EPAS1: variants seen among roughly 807,000 people sequenced by gnomAD.
EPAS1 encodes endothelial PAS domain-containing protein 1.
A neutral mutation model predicts 87.9 loss-of-function variants in EPAS1; 23 were observed. That is an observed-to-expected ratio of 0.26 (90% CI 0.19 to 0.37). The LOEUF (loss-of-function observed/expected upper bound fraction) is 0.37, where lower values mean the gene tolerates loss of function less well. EPAS1 is among the 10% of genes least tolerant of loss of function. EPAS1 has a pLI of 1.00. For synonymous variants in EPAS1, 508 were observed against 444.3 expected (o/e 1.14, Z -1.80); for missense variants, 1,138 against 1,120.7 (o/e 1.02, Z -0.22).
In EPAS1 at chr2:46,382,058, G is replaced by T. The variant is rs751814313; in HGVS notation, c.2256G>T (p.Pro752=). 1 of 1,613,528 alleles carries T rather than the reference G, an allele frequency of 6.2e-7. No individual in the cohort carries two copies. The highest frequency in any genetic ancestry group is 8.5e-7 in the Non-Finnish European group (1 of 1,179,934). The change falls in exon 14 of 16, where the codon CCG becomes CCT. Residue 752 remains proline, a synonymous_variant. Transcript: ENST00000263734. ...GGGGTGGGAGCTGCCCTTTGATGCC[G>T]GACAAGCCACTGAGCGCAAATGTAC... The part of the protein sequence containing the change: ...NLRGGSCPLM[P]DKPLSANVPN...
At chr2:46,322,523 T>A (rs1253701994) in intron 1 of EPAS1, among the ~76,000 whole-genome samples, 1 of 152,218 alleles carries the variant, frequency 6.6e-6, no homozygotes, top group East Asian at 1.9e-4. Flanking sequence ...CCCGCAGGTC[T>A]GAGGTGGAGC....
chr2:46,333,199 C>T (rs1364479261), intron 1 of EPAS1, among the ~76,000 whole-genome samples: 1 of 152,164 alleles, frequency 6.6e-6, no homozygotes, highest in Non-Finnish European at 1.5e-5. Context: ...TCTGCAATAC[C>T]CCCACAGCTG....
In EPAS1 at chr2:46,360,505, C is replaced by T; in HGVS notation, c.455-133C>T. On this transcript the variant is annotated intron_variant, in intron 4 of 15. Coordinates refer to ENST00000263734, the MANE Select transcript of EPAS1 (RefSeq NM_001430.5). The surrounding 1 kb of genome is among the most constrained non-coding windows in gnomAD (Gnocchi z 4.5). ...ATGGAGCTCAGTGTTGATGGCAGACCACAGGTGCTAAGAGAGCAGATATTT... is the reference window on the plus strand; with the variant it reads ...ATGGAGCTCAGTGTTGATGGCAGACTACAGGTGCTAAGAGAGCAGATATTT... The T allele has an allele frequency of 1.2e-6, 1 of 801,622 alleles. No homozygotes were observed. The highest frequency in any genetic ancestry group is 1.9e-5 in the Admixed American group (1 of 53,656). 49.7% of individuals were successfully genotyped at this position (801,622 alleles called of 1,614,324 possible).
At chr2:46,379,112 A>G (rs1684824866) in intron 11 of EPAS1, among the ~76,000 whole-genome samples, 1 of 152,270 alleles carries the variant, frequency 6.6e-6, no homozygotes, top group Non-Finnish European at 1.5e-5. Context: ...ATAGGGGACA[A>G]TTAATCCCTT....
In EPAS1 at chr2:46,378,750, G is replaced by C; in HGVS notation, c.1537G>C (p.Asp513His). 6.2e-7 allele frequency: 1 copy of C among 1,614,104 alleles called. No individual in the cohort carries two copies. Among genetic ancestry groups the C allele is most frequent in the Non-Finnish European group, 8.5e-7 (1 of 1,179,932 alleles). Residue 513 changes from aspartate (D) to histidine (H), a missense_variant, in exon 11 of 16, where the codon GAC (aspartate) becomes CAC (histidine). Asp to His is a moderately conservative substitution (Grantham distance 81, BLOSUM62 -1). Transcript: ENST00000263734. The part of the protein sequence containing the change: ...KLFAMDTEAK[D>H]QCSTQTDFNE... ...CTTCGCCATGGACACAGAGGCCAAGGACCAATGCAGTACCCAGGTAGATGG... is the reference window on the plus strand; with the variant it reads ...CTTCGCCATGGACACAGAGGCCAAGCACCAATGCAGTACCCAGGTAGATGG...
intron 2 of EPAS1, among the ~76,000 whole-genome samples, chr2:46,354,693 T>C (rs1684236026): frequency 6.6e-6 from 1 of 151,980 alleles, no homozygotes; most frequent in South Asian, 2.1e-4. Context: ...GGCTTCACTC[T>C]CTCCAAACCA....
rs1682965920 is a variant in EPAS1 at position 46,300,026 on chromosome 2, G to C, written c.26+2089G>C. On this transcript the variant is annotated intron_variant, in intron 1 of 15. Transcript: ENST00000263734. The surrounding 1 kb of genome is among the most constrained non-coding windows in gnomAD (Gnocchi z 4.1). ...GACCTGCCTGGATTTTTGTGCTGCA[G>C]AATGGCAGGGCAAACAGCGTGTCCT... Among the ~76,000 whole-genome samples, 2 of 152,258 alleles carry C rather than the reference G, an allele frequency of 1.3e-5. No homozygotes were observed. The highest frequency in any genetic ancestry group is 6.5e-5 in the Admixed American group (1 of 15,290).
chr2:46,315,714 G>C (rs973486125), intron 1 of EPAS1, among the ~76,000 whole-genome samples: 2 of 152,240 alleles, frequency 1.3e-5, no homozygotes, highest in African/African-American at 4.8e-5. Flanking sequence ...CTGCTGGACC[G>C]AGGGCAGGAT....
At chr2:46,334,438 T>G (rs1377877358) in intron 1 of EPAS1, among the ~76,000 whole-genome samples, 2 of 152,158 alleles carry the variant, frequency 1.3e-5, no homozygotes, top group Admixed American at 1.3e-4. Flanking sequence ...CCATTCCCAG[T>G]GTGTCTTTGT....
chr2:46,334,050 G>C (rs544395229), intron 1 of EPAS1, among the ~76,000 whole-genome samples: 1 of 152,188 alleles, frequency 6.6e-6, no homozygotes, highest in Non-Finnish European at 1.5e-5. Flanking sequence ...GCTCCAGCCT[G>C]TGGCAGCCCA....
rs1300337156 is a variant in EPAS1, at chr2:46,375,915, C to T, written c.1034+78C>T. 1 of 1,597,994 alleles carries T rather than the reference C, an allele frequency of 6.3e-7. No homozygotes were observed. Among genetic ancestry groups the T allele is most frequent in the South Asian group, 1.1e-5 (1 of 90,578 alleles). ...AGCTTCCCAGACTCAGGATGACAGG[C>T]CTAGGAGATGCCAGGCCTCTCAGCG... On this transcript the variant is annotated intron_variant, in intron 8 of 15. Coordinates refer to ENST00000263734, the MANE Select transcript of EPAS1 (RefSeq NM_001430.5). The surrounding 1 kb of genome is among the most constrained non-coding windows in gnomAD (Gnocchi z 4.1).
chr2:46,330,076 G>T (rs1683645267), intron 1 of EPAS1, among the ~76,000 whole-genome samples: 1 of 152,216 alleles, frequency 6.6e-6, no homozygotes, highest in African/African-American at 2.4e-5. Flanking sequence ...CCACATGTTT[G>T]TTGTAACAGG....
chr2:46,379,955 G>A lies in EPAS1; in HGVS notation c.1555-272G>A, dbSNP rs531101384. ...GCTTCAAGAGAGAAGGCGGGCTCCG[G>A]ACAGGTGGGATGGGGAGAGGAGAAC... On this transcript the variant is annotated intron_variant, in intron 11 of 15. Coordinates refer to ENST00000263734, the MANE Select transcript of EPAS1 (RefSeq NM_001430.5). 10 of 549,350 alleles carry A rather than the reference G, an allele frequency of 1.8e-5. No individual in the cohort carries two copies. The South Asian group carries it at 2.0e-4, about 11-fold the overall frequency. The allele number at this position is 549,350 out of a possible 1,614,324, so 34.0% of individuals were successfully genotyped here. A position where few individuals can be genotyped will look rare whatever the true frequency, so the allele number is the denominator to read the frequency against.
chr2:46,362,156 A>G (rs6755594), intron 6 of EPAS1, among the ~76,000 whole-genome samples: 57,098 of 152,072 alleles, frequency 0.38, 11,294 homozygotes, highest in East Asian at 0.79. Flanking sequence ...CCAGGGTGAC[A>G]GTTCCTGTGG....
rs145157244 is a variant in EPAS1 at position 46,382,657 on chromosome 2, C to T, written c.2461+59C>T. On this transcript the variant is annotated intron_variant, in intron 15 of 15. Transcript: ENST00000263734. Reference sequence around the variant, plus strand: ...AGGATTCGATGCCAGGGGAAGCCCACGTCTACTTTTTTTCCAGCGTCTGCA... The same window carrying T: ...AGGATTCGATGCCAGGGGAAGCCCATGTCTACTTTTTTTCCAGCGTCTGCA... 353 of 1,603,822 alleles carry T rather than the reference C, an allele frequency of 2.2e-4. 1 individual carries two copies. Among genetic ancestry groups the T allele is most frequent in the Non-Finnish European group, 2.5e-4 (291 of 1,174,682 alleles).
intron 1 of EPAS1, among the ~76,000 whole-genome samples, chr2:46,325,710 C>T (rs983045333): frequency 6.6e-6 from 1 of 152,174 alleles, no homozygotes; most frequent in Non-Finnish European, 1.5e-5. Flanking sequence ...GGGACATACA[C>T]GCTCACTTCC....
intron 4 of EPAS1, among the ~76,000 whole-genome samples, chr2:46,359,020 G>A (rs921618927): frequency 6.6e-6 from 1 of 151,980 alleles, no homozygotes; most frequent in Non-Finnish European, 1.5e-5. Context: ...CAGGACTTTC[G>A]GAGGCCAAGG....
chr2:46,338,415 G>A (rs966944693), intron 1 of EPAS1, among the ~76,000 whole-genome samples: 1 of 152,168 alleles, frequency 6.6e-6, no homozygotes, highest in East Asian at 1.9e-4. Context: ...GTCAGGGGTC[G>A]GGCAGTGGCA....
chr2:46,368,411 T>A (rs1186181991), intron 6 of EPAS1, among the ~76,000 whole-genome samples: 1 of 151,958 alleles, frequency 6.6e-6, no homozygotes. Context: ...TACAGATGAG[T>A]TGAAAATCAA....
Sources: allele counts gnomAD v4.1 joint callset (sites outside exome capture counted in the v4.1 genomes callset), GRCh38; gene constraint gnomAD v4.1.1; non-coding constraint Gnocchi (gnomAD v3.1); transcripts MANE v1.5; gene names NCBI Gene and HGNC (gene_info 2026-07-23, HGNC 2026-07-21).